MGAT4C: variants seen among roughly 807,000 people sequenced by gnomAD.
MGAT4C encodes the protein MGAT4 family member C.
In MGAT4C, 19 loss-of-function variants were observed where a neutral mutation model predicts 40.1. That is an observed-to-expected ratio of 0.47 (90% CI 0.33 to 0.70). The LOEUF is 0.70. Among genes scored for constraint, MGAT4C ranks in the 30% least tolerant of loss-of-function variants. The pLI, the probability that MGAT4C is intolerant of heterozygous loss-of-function variation, is 0.02. For synonymous variants in MGAT4C, 181 were observed against 187.1 expected, an observed-to-expected ratio of 0.97 and a Z score of 0.27; for missense variants, 491 against 563.2, an observed-to-expected ratio of 0.87 and a Z score of 1.30.
chr12:86,677,129 T>C (rs961883483), intron 2 of MGAT4C, among the ~76,000 whole-genome samples: 23 of 152,106 alleles, frequency 1.5e-4, no homozygotes, highest in African/African-American at 5.6e-4. Context: ...TGCACCTAGT[T>C]GCAACTTTTT....
At chr12:86,451,749 T>C (rs1957427797) in intron 2 of MGAT4C, among the ~76,000 whole-genome samples, 1 of 152,150 alleles carries the variant, frequency 6.6e-6, no homozygotes, top group African/African-American at 2.4e-5. Flanking sequence ...AATAAGATTA[T>C]ACATTAATGC....
intron 1 of MGAT4C, among the ~76,000 whole-genome samples, chr12:86,236,031 T>C (rs893854986): frequency 6.6e-6 from 1 of 152,058 alleles, no homozygotes; most frequent in East Asian, 1.9e-4. Context: ...AAAATCTGTA[T>C]TTTTTTCTTT....
At chr12:86,710,898 C>T (rs1284941650) in intron 2 of MGAT4C, among the ~76,000 whole-genome samples, 1 of 152,062 alleles carries the variant, frequency 6.6e-6, no homozygotes, top group Non-Finnish European at 1.5e-5. Flanking sequence ...CTTGGATGGA[C>T]CTCAAGACCA....
At chr12:86,468,062 C>T (rs1957706852) in intron 2 of MGAT4C, among the ~76,000 whole-genome samples, 1 of 152,030 alleles carries the variant, frequency 6.6e-6, no homozygotes, top group Non-Finnish European at 1.5e-5. Context: ...TAGCATGTCT[C>T]AAATGAATAT....
At chr12:86,741,652 A>C (rs1951071265) in intron 1 of MGAT4C, among the ~76,000 whole-genome samples, 1 of 151,380 alleles carries the variant, frequency 6.6e-6, no homozygotes, top group African/African-American at 2.4e-5. Flanking sequence ...AGTCTCTGAC[A>C]CTACTCATAG....
intron 1 of MGAT4C, among the ~76,000 whole-genome samples, chr12:86,222,423 T>C (rs1950915921): frequency 6.6e-6 from 1 of 152,192 alleles, no homozygotes; most frequent in East Asian, 1.9e-4. Context: ...AGATTTTTTC[T>C]ATTATATTTT....
chr12:86,011,764 TA>T (rs1888484309), intron 2 of MGAT4C: 4 of 868,276 alleles, frequency 4.6e-6, no homozygotes, highest in Non-Finnish European at 5.5e-6. Flanking sequence ...TTACTAGGAA[TA>T]AACACTATAT....
rs181526288 is a variant in MGAT4C, at chr12:86,514,117, G to A, written c.-228-78852C>T. ...ACACACACACACACACACAACCCCGGCTTAGTAGAGATTTGGAGAATTACT... is the reference window on the plus strand; with the variant it reads ...ACACACACACACACACACAACCCCGACTTAGTAGAGATTTGGAGAATTACT... On this transcript the variant is annotated intron_variant, in intron 2 of 7. Coordinates refer to the MGAT4C transcript ENST00000548651. Among the ~76,000 whole-genome samples the A allele has an allele frequency of 9.2e-3, 1,340 of 145,562 alleles. 8 individuals carry two copies. The highest frequency in any genetic ancestry group is 0.017 in the Middle Eastern group (5 of 286).
chr12:86,804,201 G>A (rs1338031233), intron 1 of MGAT4C, among the ~76,000 whole-genome samples: 2 of 148,366 alleles, frequency 1.3e-5, no homozygotes, highest in Non-Finnish European at 3.0e-5. Flanking sequence ...TCACTCATAG[G>A]TGGGAATTGA....
chr12:86,803,573 A>C (rs1952277174), intron 1 of MGAT4C, among the ~76,000 whole-genome samples: 1 of 150,062 alleles, frequency 6.7e-6, no homozygotes, highest in South Asian at 2.1e-4. Flanking sequence ...TTACAAGAAA[A>C]AAACAAACAA....
At chr12:86,039,430 T>C (rs1382181483) in intron 2 of MGAT4C, among the ~76,000 whole-genome samples, 1 of 152,184 alleles carries the variant, frequency 6.6e-6, no homozygotes, top group East Asian at 1.9e-4. Flanking sequence ...TTTTACTCTT[T>C]TTTCTCTAAT....
At chr12:86,183,886 C>T (rs1486343299) in intron 1 of MGAT4C, among the ~76,000 whole-genome samples, 1 of 152,160 alleles carries the variant, frequency 6.6e-6, no homozygotes, top group Non-Finnish European at 1.5e-5. Flanking sequence ...AATAAAATCA[C>T]ATTGAGAGTT....
intron 1 of MGAT4C, among the ~76,000 whole-genome samples, chr12:86,146,489 T>A (rs1883529193): frequency 1.3e-5 from 2 of 152,170 alleles, no homozygotes; most frequent in Non-Finnish European, 2.9e-5. Flanking sequence ...GGAAGTTAAT[T>A]TTAAAAGTAT....
At chr12:85,996,883 A>T (rs530092350) in intron 2 of MGAT4C, among the ~76,000 whole-genome samples, 2 of 152,226 alleles carry the variant, frequency 1.3e-5, no homozygotes, top group Non-Finnish European at 2.9e-5. Flanking sequence ...TCCCTCAATA[A>T]TTGACTGAAC....
chr12:86,638,334 C>T (rs1156622243), intron 2 of MGAT4C, among the ~76,000 whole-genome samples: 1 of 151,780 alleles, frequency 6.6e-6, no homozygotes, highest in African/African-American at 2.4e-5. Context: ...GACAGCTGAC[C>T]ACAAAGTGAT....
At chr12:86,830,529 A>G (rs1160477513) in intron 1 of MGAT4C, among the ~76,000 whole-genome samples, 1 of 151,782 alleles carries the variant, frequency 6.6e-6, no homozygotes, top group African/African-American at 2.4e-5. Flanking sequence ...GTTTCTTAAG[A>G]GATGAGTGTG....
At position 85,955,686 on chromosome 12, in the gene MGAT4C, T is replaced by C. The variant is rs1361139703; in HGVS notation, c.*23603A>G. 5 of 152,172 alleles carry C rather than the reference T, an allele frequency of 3.3e-5. No individual in the cohort carries two copies. Among genetic ancestry groups the C allele is most frequent in the Non-Finnish European group, 7.4e-5 (5 of 68,012 alleles). 9.4% of individuals were successfully genotyped at this position (152,172 alleles called of 1,614,324 possible). A position where few individuals can be genotyped will look rare whatever the true frequency, so the allele number is the denominator to read the frequency against. ...CAAATATTTATAAAAGAAACCACAA[T>C]GTATTTATGCTGTTTAGCCTTCATA... is the stretch of plus-strand genomic sequence containing the variant. On this transcript the variant is annotated 3_prime_UTR_variant, in exon 5 of 5. Coordinates refer to ENST00000611864, the MANE Select transcript of MGAT4C (RefSeq NM_001351288.2).
chr12:86,673,586 C>A (rs1055891615), intron 2 of MGAT4C, among the ~76,000 whole-genome samples: 1 of 146,282 alleles, frequency 6.8e-6, no homozygotes, highest in Non-Finnish European at 1.5e-5. Flanking sequence ...AATAACTAAT[C>A]GCGTAATTTT....
intron 1 of MGAT4C, among the ~76,000 whole-genome samples, chr12:86,053,400 T>C (rs1893080573): frequency 6.6e-6 from 1 of 151,820 alleles, no homozygotes; most frequent in East Asian, 1.9e-4. Flanking sequence ...TCTATGACAC[T>C]GGAGCTGAGT....
Sources: gnomAD v4.1 joint callset for allele counts (sites outside exome capture counted in the v4.1 genomes callset) on GRCh38, gnomAD v4.1.1 for gene constraint, MANE v1.5 for transcripts, NCBI Gene and HGNC (gene_info 2026-07-23, HGNC 2026-07-21) for gene names.